Variants in GRIK3 observed in about 807,000 individuals in gnomAD.
GRIK3 encodes the protein glutamate ionotropic receptor kainate type subunit 3.
A neutral mutation model predicts 102.5 loss-of-function variants in GRIK3; 29 were observed. The observed-to-expected ratio is 0.28, with a 90% confidence interval of 0.21 to 0.39. The LOEUF (loss-of-function observed/expected upper bound fraction) is 0.39, where lower values mean the gene tolerates loss of function less well. Ranked by LOEUF, GRIK3 falls within the 10% of genes least tolerant of loss-of-function variation. The pLI, the probability that GRIK3 is intolerant of heterozygous loss-of-function variation, is 1.00. For synonymous variants in GRIK3, 511 were observed against 504.9 expected (o/e 1.01, Z -0.16); for missense variants, 908 against 1,252.4 (o/e 0.73, Z 4.15).
intron 1 of GRIK3, among the ~76,000 whole-genome samples, chr1:36,931,130 A>G (rs899606907): frequency 6.6e-6 from 1 of 152,192 alleles, no homozygotes; most frequent in Non-Finnish European, 1.5e-5. Flanking sequence ...TATTTATCAC[A>G]AGTCTTCATA....
chr1:36,869,785 A>C lies in GRIK3; in HGVS notation c.749T>G (p.Met250Arg). ...QILKQAMAMG[M>R]MTEYYHFIFT... ...GATGAAGTGGTAGTACTCAGTCATC[A>C]TGCCCATGGCCATGGCCTGCAGAAA... The change falls in exon 5 of 16, where the codon ATG (methionine) becomes AGG (arginine). Residue 250 changes from methionine to arginine, a missense_variant. By Grantham distance (91) the Met-to-Arg change is moderately conservative. Around this residue, in one of 3 missense-constraint regions of GRIK3, gnomAD observed 585 missense variants for 824.9 expected, o/e 0.71. Transcript: ENST00000373091. 6.2e-7 allele frequency: 1 copy of C among 1,613,268 alleles called. No homozygotes were observed. Among genetic ancestry groups the C allele is most frequent in the Non-Finnish European group, 8.5e-7 (1 of 1,179,154 alleles).
chr1:36,957,438 CTG>C (rs112336918), intron 1 of GRIK3, among the ~76,000 whole-genome samples: 1 of 61,174 alleles, frequency 1.6e-5, no homozygotes, highest in Non-Finnish European at 3.4e-5. Flanking sequence ...CCTCTGTGCT[CTG>C]TGAGTCTGTG....
intron 1 of GRIK3, among the ~76,000 whole-genome samples, chr1:37,015,389 G>A (rs1054068674): frequency 1.8e-4 from 28 of 152,158 alleles, no homozygotes; most frequent in Admixed American, 6.5e-4. Context: ...CGGAGGTTCC[G>A]CAAAGAAAAC....
chr1:36,826,567 C>T (rs1019509554), intron 10 of GRIK3, among the ~76,000 whole-genome samples: 1 of 151,610 alleles, frequency 6.6e-6, no homozygotes, highest in African/African-American at 2.4e-5. Context: ...ACTTGGGAGG[C>T]TGAGGTGGGA....
chr1:36,844,938 C>A (rs1450254787), intron 9 of GRIK3, among the ~76,000 whole-genome samples: 2 of 152,198 alleles, frequency 1.3e-5, no homozygotes, highest in Admixed American at 6.5e-5. Flanking sequence ...ACGCCCCTCC[C>A]TGGCCTGATC....
At chr1:36,994,594 A>C (rs1190134951) in intron 1 of GRIK3, among the ~76,000 whole-genome samples, 1 of 152,218 alleles carries the variant, frequency 6.6e-6, no homozygotes, top group African/African-American at 2.4e-5. Flanking sequence ...TTACCTTCAG[A>C]ACTCTCCTTT....
intron 1 of GRIK3, among the ~76,000 whole-genome samples, chr1:36,948,596 G>T (rs1641809052): frequency 6.6e-6 from 1 of 152,206 alleles, no homozygotes; most frequent in Admixed American, 6.5e-5. Flanking sequence ...AGGGTAAGAA[G>T]GAGAGCACAG....
rs1175433639 is a variant in GRIK3, at chr1:36,796,488, G to A, written c.*5363C>T. On this transcript the variant is annotated 3_prime_UTR_variant, in exon 16 of 16. Coordinates refer to ENST00000373091, the MANE Select transcript of GRIK3 (RefSeq NM_000831.4). ...CAAGGCAAACCCTTGGCTGGCATTT[G>A]ACTGAATCTATGGCTGCTTCTTCAT... is the stretch of plus-strand genomic sequence containing the variant. The A allele has an allele frequency of 6.6e-6, 1 of 152,268 alleles. No homozygotes were observed. Among genetic ancestry groups the A allele is most frequent in the Non-Finnish European group, 1.5e-5 (1 of 68,090 alleles). The allele number at this position is 152,268 out of a possible 1,614,324, so 9.4% of individuals were successfully genotyped here.
chr1:36,963,168 C>T (rs1307065904), intron 1 of GRIK3, among the ~76,000 whole-genome samples: 5 of 152,184 alleles, frequency 3.3e-5, no homozygotes, highest in Non-Finnish European at 5.9e-5. Context: ...CCCCATCTGC[C>T]TCTCCACAGG....
At chr1:36,875,050 T>A (rs986064958) in intron 3 of GRIK3, among the ~76,000 whole-genome samples, 1 of 152,218 alleles carries the variant, frequency 6.6e-6, no homozygotes, top group Non-Finnish European at 1.5e-5. Flanking sequence ...CACAAAGCGC[T>A]TCTGCATTCA....
At chr1:36,868,210 TGCTCCCA>T (rs1357168532) in intron 5 of GRIK3, among the ~76,000 whole-genome samples, 1 of 152,190 alleles carries the variant, frequency 6.6e-6, no homozygotes, top group African/African-American at 2.4e-5. Flanking sequence ...TCCTCTGCCC[TGCTCCCA>T]GCTCTGGACA....
At chr1:36,913,188 A>G (rs1034894170) in intron 1 of GRIK3, among the ~76,000 whole-genome samples, 2 of 152,162 alleles carry the variant, frequency 1.3e-5, no homozygotes, top group African/African-American at 4.8e-5. Flanking sequence ...CCACCATCCC[A>G]ACTGGGCTCA....
In GRIK3 at chr1:36,872,044, C is replaced by A; in HGVS notation, c.732+144G>T. Reference sequence around the variant, plus strand: ...GAAAATGAGGCTCAGAGAGGCAAACCACCCAAGGTCACACAGCAGGAAAGT... The same window carrying A: ...GAAAATGAGGCTCAGAGAGGCAAACAACCCAAGGTCACACAGCAGGAAAGT... On this transcript the variant is annotated intron_variant, in intron 4 of 15. Coordinates refer to ENST00000373091, the MANE Select transcript of GRIK3 (RefSeq NM_000831.4). The surrounding 1 kb of genome is among the most constrained non-coding windows in gnomAD (Gnocchi z 5.9). 1 of 731,088 alleles carries A rather than the reference C, an allele frequency of 1.4e-6. No homozygotes were observed. Among genetic ancestry groups the A allele is most frequent in the Non-Finnish European group, 2.1e-6 (1 of 465,224 alleles). 45.3% of individuals were successfully genotyped at this position (731,088 alleles called of 1,614,324 possible). A position where few individuals can be genotyped will look rare whatever the true frequency, so the allele number is the denominator to read the frequency against.
chr1:37,009,074 GTAATAA>G (rs67140478), intron 1 of GRIK3, among the ~76,000 whole-genome samples: 22,189 of 149,060 alleles, frequency 0.15, 2,215 homozygotes, highest in African/African-American at 0.28. Context: ...AAATGGAGAT[GTAATAA>G]TAATAATAAT....
rs1368648384 is a variant in GRIK3, at chr1:36,833,811, T to C, written c.1530+7925A>G. 5.3e-5 allele frequency among the ~76,000 whole-genome samples: 8 copies of C among 152,202 alleles called. No individual in the cohort carries two copies. The South Asian group carries it at 1.2e-3, about 24-fold the overall frequency. ...GTTGGGGGACAGCTTCCCAAATCCA[T>C]GTCCTCCTTCACCCAACCCTCATCA... On this transcript the variant is annotated intron_variant, in intron 10 of 15. Coordinates refer to ENST00000373091, the MANE Select transcript of GRIK3 (RefSeq NM_000831.4).
At chr1:37,032,370 G>C (rs1642837404) in intron 1 of GRIK3, among the ~76,000 whole-genome samples, 1 of 152,112 alleles carries the variant, frequency 6.6e-6, no homozygotes, top group Admixed American at 6.5e-5. Flanking sequence ...CCGTGCGATG[G>C]GCAAATAGCA....
intron 1 of GRIK3, among the ~76,000 whole-genome samples, chr1:36,891,880 A>G (rs1286477722): frequency 6.6e-6 from 1 of 152,260 alleles, no homozygotes; most frequent in East Asian, 1.9e-4. Context: ...GTTAGCACAA[A>G]TTAATAGTGT....
At chr1:36,823,516 A>C (rs746508753) in intron 11 of GRIK3, among the ~76,000 whole-genome samples, 111 of 148,568 alleles carry the variant, frequency 7.5e-4, no homozygotes, top group Non-Finnish European at 1.4e-3. Flanking sequence ...ACTAGTGGCC[A>C]CACAGAAAAA....
intron 1 of GRIK3, among the ~76,000 whole-genome samples, chr1:36,938,606 AC>A (rs1313148160): frequency 6.6e-6 from 1 of 152,094 alleles, no homozygotes; most frequent in Admixed American, 6.5e-5. Flanking sequence ...ACCCAGAGTG[AC>A]TTTTCCCAGC....
Sources: gnomAD v4.1 joint callset for allele counts (sites outside exome capture counted in the v4.1 genomes callset) on GRCh38, gnomAD v4.1.1 for gene constraint, gnomAD v4.1.1 regional missense constraint, Gnocchi (gnomAD v3.1) non-coding constraint, MANE v1.5 for transcripts, NCBI Gene and HGNC (gene_info 2026-07-23, HGNC 2026-07-21) for gene names.